GLIS3: variants seen among roughly 807,000 people sequenced by gnomAD.
GLIS3 encodes the protein zinc finger protein GLIS3.
Under a neutral mutation model 78.6 loss-of-function variants are expected in GLIS3, and 53 were observed. That is an observed-to-expected ratio of 0.67 (90% CI 0.54 to 0.85). The LOEUF (loss-of-function observed/expected upper bound fraction) is 0.85, where lower values mean the gene tolerates loss of function less well. Among genes scored for constraint, GLIS3 ranks in the 40% least tolerant of loss-of-function variants. The pLI is 0.00. For missense variants in GLIS3, 1,703 were observed against 1,231.1 expected (o/e 1.38, Z -5.74); for synonymous variants, 684 against 509.9 (o/e 1.34, Z -4.60).
intron 4 of GLIS3, among the ~76,000 whole-genome samples, chr9:3,999,831 C>T (rs1298116627): frequency 2.0e-5 from 3 of 152,084 alleles, no homozygotes; most frequent in Non-Finnish European, 4.4e-5. Context: ...AAGAACAGAG[C>T]TGGGGGACTT....
chr9:3,993,768 T>C (rs1321753756), intron 4 of GLIS3, among the ~76,000 whole-genome samples: 1 of 152,254 alleles, frequency 6.6e-6, no homozygotes, highest in African/African-American at 2.4e-5. Flanking sequence ...CATAATTCAT[T>C]TAATATTGGC....
At chr9:4,383,934 G>A in the GLIS3 span, among the ~76,000 whole-genome samples, 2 of 152,282 alleles carry the variant, frequency 1.3e-5, no homozygotes, top group Non-Finnish European at 2.9e-5. Flanking sequence ...GAGAGAGCAC[G>A]AACCCCTCAA....
At chr9:4,186,677 T>G (rs1307606635) in intron 2 of GLIS3, among the ~76,000 whole-genome samples, 2 of 151,746 alleles carry the variant, frequency 1.3e-5, no homozygotes, top group Non-Finnish European at 2.9e-5. Flanking sequence ...CCTGACTTTT[T>G]AATGATTGCC....
the GLIS3 span, among the ~76,000 whole-genome samples, chr9:4,445,316 G>A: frequency 6.6e-6 from 1 of 152,200 alleles, no homozygotes; most frequent in Non-Finnish European, 1.5e-5. Context: ...TGATGAAGCA[G>A]GAAGCGACAA....
chr9:4,090,258 G>T (rs1829384988), intron 4 of GLIS3, among the ~76,000 whole-genome samples: 2 of 152,082 alleles, frequency 1.3e-5, no homozygotes, highest in African/African-American at 4.8e-5. Context: ...CTGCCTTCCT[G>T]CCTACAGCCC....
chr9:4,186,539 G>A (rs1215990701), intron 2 of GLIS3, among the ~76,000 whole-genome samples: 2 of 151,570 alleles, frequency 1.3e-5, no homozygotes, highest in Non-Finnish European at 2.9e-5. Flanking sequence ...GGGTCAAATG[G>A]TATTCCTAGT....
chr9:4,311,365 C>T (rs1817353215), intron 2 of GLIS3, among the ~76,000 whole-genome samples: 1 of 152,174 alleles, frequency 6.6e-6, no homozygotes, highest in Non-Finnish European at 1.5e-5. Flanking sequence ...GTTGAGATAG[C>T]ACCACTACAC....
intron 9 of GLIS3, among the ~76,000 whole-genome samples, chr9:3,835,059 G>C (rs1334660280): frequency 6.6e-6 from 1 of 152,164 alleles, no homozygotes; most frequent in Non-Finnish European, 1.5e-5. Context: ...CATGGATGGT[G>C]ATTAATACCA....
the GLIS3 span, among the ~76,000 whole-genome samples, chr9:4,359,845 C>T: frequency 1.3e-5 from 2 of 152,022 alleles, no homozygotes; most frequent in Admixed American, 6.5e-5. Context: ...TAAATAAAAG[C>T]GGGCACCAAT....
chr9:4,297,120 CAAA>C (rs111499278), intron 1 of GLIS3, among the ~76,000 whole-genome samples: 1 of 131,946 alleles, frequency 7.6e-6, no homozygotes, highest in African/African-American at 2.7e-5. Flanking sequence ...ATTTTGTACC[CAAA>C]AAAAAAAAAA....
intron 2 of GLIS3, among the ~76,000 whole-genome samples, chr9:4,314,732 G>C (rs529509803): frequency 7.2e-5 from 11 of 152,320 alleles, no homozygotes; most frequent in African/African-American, 2.4e-4. Flanking sequence ...GCAGAACTGG[G>C]TTTAGATTTC....
chr9:4,374,854 G>A, the GLIS3 span, among the ~76,000 whole-genome samples: 1 of 152,236 alleles, frequency 6.6e-6, no homozygotes, highest in Non-Finnish European at 1.5e-5. Context: ...GCACATATGT[G>A]CACACAATTG....
intron 9 of GLIS3, among the ~76,000 whole-genome samples, chr9:3,839,438 C>A (rs965919585): frequency 6.6e-6 from 1 of 152,030 alleles, no homozygotes; most frequent in African/African-American, 2.4e-5. Context: ...AGTGTTATAC[C>A]AACCACTCAG....
At chr9:4,405,861 A>G in the GLIS3 span, among the ~76,000 whole-genome samples, 1 of 152,204 alleles carries the variant, frequency 6.6e-6, no homozygotes, top group Non-Finnish European at 1.5e-5. Flanking sequence ...CATTAAAAAG[A>G]TCATTCATTA....
intron 4 of GLIS3, among the ~76,000 whole-genome samples, chr9:4,113,041 A>T (rs1311611654): frequency 2.0e-5 from 3 of 152,044 alleles, no homozygotes; most frequent in African/African-American, 7.2e-5. Flanking sequence ...ATCTACCAGA[A>T]CTATATAATA....
chr9:4,033,294 A>T (rs1047037183), intron 4 of GLIS3, among the ~76,000 whole-genome samples: 22 of 152,090 alleles, frequency 1.4e-4, no homozygotes, highest in Admixed American at 1.3e-3. Flanking sequence ...CCCTCACCCA[A>T]AACAGCTGTC....
At chr9:3,893,242 T>C (rs949398664) in intron 7 of GLIS3, among the ~76,000 whole-genome samples, 4 of 152,190 alleles carry the variant, frequency 2.6e-5, no homozygotes, top group African/African-American at 9.6e-5. Flanking sequence ...TACAAAAATA[T>C]TTTTACGGCA....
chr9:3,838,881 T>C (rs887767450), intron 9 of GLIS3, among the ~76,000 whole-genome samples: 1 of 152,134 alleles, frequency 6.6e-6, no homozygotes, highest in Non-Finnish European at 1.5e-5. Flanking sequence ...AAACCTTCTG[T>C]AATCCACGAC....
chr9:4,300,208 TCACACACACA>T (rs35733770), upstream of GLIS3, among the ~76,000 whole-genome samples: 929 of 142,916 alleles, frequency 6.5e-3, 15 homozygotes, highest in South Asian at 0.071. Flanking sequence ...CTTGACGCAT[TCACACACACA>T]CACACACACA....
Sources: allele counts gnomAD v4.1 joint callset (sites outside exome capture counted in the v4.1 genomes callset), GRCh38; gene constraint gnomAD v4.1.1; transcripts MANE v1.5; gene names NCBI Gene and HGNC (gene_info 2026-07-23, HGNC 2026-07-21).